Variants in MTHFD1L observed in about 807,000 individuals in gnomAD.
MTHFD1L encodes the protein monofunctional C1-tetrahydrofolate synthase, mitochondrial.
Under a neutral mutation model 119.5 loss-of-function variants are expected in MTHFD1L, and 81 were observed. That is an observed-to-expected ratio of 0.68 (90% CI 0.57 to 0.82). The LOEUF is 0.82. Among genes scored for constraint, MTHFD1L ranks in the 40% least tolerant of loss-of-function variants. The pLI is 0.00. For synonymous variants in MTHFD1L, 430 were observed against 475.2 expected, an observed-to-expected ratio of 0.90 and a Z score of 1.24; for missense variants, 1,125 against 1,253.4, an observed-to-expected ratio of 0.90 and a Z score of 1.55.
At chr6:150,884,828 C>CA (rs1450917587) in intron 5 of MTHFD1L, among the ~76,000 whole-genome samples, 64 of 152,258 alleles carry the variant, frequency 4.2e-4, no homozygotes, top group African/African-American at 1.2e-3. Context: ...CACTGCCCCC[C>CA]ACCCCGACTT....
At chr6:150,913,285 C>A (rs954887789) in intron 8 of MTHFD1L, among the ~76,000 whole-genome samples, 1 of 151,974 alleles carries the variant, frequency 6.6e-6, no homozygotes, top group Non-Finnish European at 1.5e-5. Context: ...TTCAGCCTCC[C>A]GAGTATCTGG....
At chr6:150,929,777 C>G (rs908976947) in intron 11 of MTHFD1L, among the ~76,000 whole-genome samples, 4 of 152,088 alleles carry the variant, frequency 2.6e-5, no homozygotes, top group African/African-American at 9.7e-5. Context: ...GATTAAACAC[C>G]AAGGGATCAA....
chr6:150,875,632 A>G (rs1234880128), intron 1 of MTHFD1L, among the ~76,000 whole-genome samples: 1 of 151,988 alleles, frequency 6.6e-6, no homozygotes, highest in East Asian at 1.9e-4. Context: ...CTTCTTGTCC[A>G]ACAGTGAGCC....
intron 26 of MTHFD1L, among the ~76,000 whole-genome samples, chr6:151,080,148 A>G (rs1793005645): frequency 6.6e-6 from 1 of 152,138 alleles, no homozygotes; most frequent in African/African-American, 2.4e-5. Context: ...ATTGCACTCC[A>G]GCCTGGATGA....
chr6:150,954,322 T>C (rs1488310368), intron 16 of MTHFD1L, among the ~76,000 whole-genome samples: 5 of 152,218 alleles, frequency 3.3e-5, no homozygotes, highest in African/African-American at 7.2e-5. Context: ...TTTTGTTGCA[T>C]TGGTATTCAC....
At chr6:151,034,197 AT>A (rs796964839) in intron 24 of MTHFD1L, among the ~76,000 whole-genome samples, 15 of 151,992 alleles carry the variant, frequency 9.9e-5, no homozygotes, top group Admixed American at 2.6e-4. Flanking sequence ...AGTAAACTAT[AT>A]TTTTTTAATG....
At chr6:150,960,207 G>C in intron 17 of MTHFD1L, 68 bp from the exon 18 acceptor site, 1 of 1,533,534 alleles carries the variant, frequency 6.5e-7, no homozygotes, top group South Asian at 1.3e-5. Flanking sequence ...CTGAAGTCCA[G>C]CTCCTTGTGG....
At chr6:150,918,712 T>C (rs753166055) in intron 9 of MTHFD1L, 44 bp downstream of exon 9, 1 of 1,496,752 alleles carries the variant, frequency 6.7e-7, no homozygotes, top group Non-Finnish European at 9.3e-7. Flanking sequence ...TTTGGAAGTT[T>C]GATTAATAGT....
In MTHFD1L at chr6:151,091,129, A is replaced by C. The variant is rs569864750; in HGVS notation, c.2848-1338A>C. 1.4e-3 allele frequency among the ~76,000 whole-genome samples: 211 copies of C among 147,922 alleles called. 7 individuals carry two copies. Among genetic ancestry groups the C allele is most frequent in the African/African-American group, 5.3e-3 (204 of 38,702 alleles). On this transcript the variant is annotated intron_variant, in intron 26 of 27. Transcript: ENST00000367321. The stretch of plus-strand genomic sequence containing the variant: ...ACTGGGTACAGCATCGTTCTATGTG[A>C]CTGGGTGCAGCATCGCCCCATGTGA...
intron 16 of MTHFD1L, among the ~76,000 whole-genome samples, chr6:150,952,118 C>A (rs557088537): frequency 3.9e-5 from 6 of 152,240 alleles, no homozygotes; most frequent in African/African-American, 1.4e-4. Context: ...GGTTGTGAAT[C>A]ACTTTTAATG....
intron 16 of MTHFD1L, among the ~76,000 whole-genome samples, chr6:150,953,603 T>C (rs970759272): frequency 1.3e-5 from 2 of 152,212 alleles, no homozygotes; most frequent in African/African-American, 2.4e-5. Context: ...ATCTTTCTTG[T>C]GGGCTGGAAT....
At chr6:150,916,483 T>G (rs1277490375) in intron 8 of MTHFD1L, among the ~76,000 whole-genome samples, 8 of 51,308 alleles carry the variant, frequency 1.6e-4, no homozygotes, top group Admixed American at 4.7e-4. Flanking sequence ...TTTTTTTTTT[T>G]TTTTTTTTTT....
intron 27 of MTHFD1L, among the ~76,000 whole-genome samples, 191 bp from the exon 28 acceptor site, chr6:151,101,335 G>C (rs1795353954): frequency 6.6e-6 from 1 of 152,138 alleles, no homozygotes; most frequent in South Asian, 2.1e-4. Flanking sequence ...GAGTGGTGCA[G>C]ACTCTGCTTC....
chr6:150,960,153 G>A, intron 17 of MTHFD1L, 122 bp from the exon 18 acceptor site: 1 of 1,289,218 alleles, frequency 7.8e-7, no homozygotes, highest in East Asian at 2.4e-5. Flanking sequence ...TTGCATGCAT[G>A]GCCTTTTGAG....
Position 150,980,725 on chromosome 6 carries a change from AAG to A in MTHFD1L, c.2125+8669_2125+8670del, listed in dbSNP as rs1491087547. On this transcript the variant is annotated intron_variant, in intron 20 of 27. Coordinates refer to ENST00000367321, the MANE Select transcript of MTHFD1L (RefSeq NM_015440.5). ...ACCCTGTCTCTAAAAAAAAAAAAAAAAGAAAGAAAGAAAAGAAAAGAGAGAAG... is the reference window on the plus strand; with the variant it reads ...ACCCTGTCTCTAAAAAAAAAAAAAAAAAAGAAAGAAAAGAAAAGAGAGAAG... Among the ~76,000 whole-genome samples the A allele has an allele frequency of 7.5e-5, 11 of 146,212 alleles. No homozygotes were observed. The East Asian group carries it at 9.0e-4, about 12-fold the overall frequency.
chr6:150,951,080 A>T (rs1216816319), intron 16 of MTHFD1L, among the ~76,000 whole-genome samples: 1 of 135,132 alleles, frequency 7.4e-6, no homozygotes, highest in East Asian at 2.2e-4. Flanking sequence ...TCTGTCACCC[A>T]GGTTGGAGTG....
intron 9 of MTHFD1L, among the ~76,000 whole-genome samples, chr6:150,920,965 T>C (rs1788807631): frequency 7.8e-6 from 1 of 128,560 alleles, no homozygotes; most frequent in Admixed American, 7.8e-5. Context: ...TTTTTTTTTT[T>C]TTTGAGACAG....
chr6:150,901,955 A>G (rs771707132), intron 7 of MTHFD1L, among the ~76,000 whole-genome samples: 1 of 152,094 alleles, frequency 6.6e-6, no homozygotes, highest in African/African-American at 2.4e-5. Context: ...ACAATTCTTT[A>G]GAAAATATCT....
chr6:150,928,796 C>T (rs1352299700), intron 11 of MTHFD1L, among the ~76,000 whole-genome samples: 3 of 152,030 alleles, frequency 2.0e-5, no homozygotes, highest in Non-Finnish European at 4.4e-5. Flanking sequence ...CGCCCGCCTC[C>T]TCCTTCCAAA....
Sources: gnomAD v4.1 joint callset for allele counts (sites outside exome capture counted in the v4.1 genomes callset) on GRCh38, gnomAD v4.1.1 for gene constraint, MANE v1.5 for transcripts, NCBI Gene and HGNC (gene_info 2026-07-23, HGNC 2026-07-21) for gene names.